The following GPHN variants were observed in gnomAD, a reference collection of about 807,000 sequenced individuals.
The protein encoded by GPHN is gephyrin.
GPHN carries 17 observed loss-of-function variants against 95.5 expected under a neutral mutation model. The observed-to-expected ratio is 0.18, with a 90% confidence interval of 0.12 to 0.27. The LOEUF is 0.27. GPHN is among the 10% of genes least tolerant of loss of function. GPHN has a pLI of 1.00. For missense variants in GPHN, 660 were observed against 978.1 expected (o/e 0.67, Z 4.34); for synonymous variants, 320 against 322.5 (o/e 0.99, Z 0.08).
intron 2 of GPHN, among the ~76,000 whole-genome samples, chr14:66,762,419 A>G (rs1200700292): frequency 6.6e-6 from 1 of 152,166 alleles, no homozygotes; most frequent in East Asian, 1.9e-4. Flanking sequence ...AATGAGGAAT[A>G]TATTATGGTC....
At chr14:67,447,937 T>G in the GPHN span, 1 of 151,922 alleles carries the variant, frequency 6.6e-6, no homozygotes, top group African/African-American at 2.4e-5. Context: ...CATCTGGAAG[T>G]GAAAGAGTAA....
chr14:66,813,870 AG>A (rs774832401), intron 3 of GPHN, among the ~76,000 whole-genome samples: 87 of 152,224 alleles, frequency 5.7e-4, no homozygotes, highest in Non-Finnish European at 8.5e-4. Flanking sequence ...GGCAGTCTTG[AG>A]GTCCCTGGGT....
the GPHN span, among the ~76,000 whole-genome samples, chr14:67,477,437 A>G: frequency 6.6e-6 from 1 of 152,154 alleles, no homozygotes; most frequent in Non-Finnish European, 1.5e-5. Flanking sequence ...CCAGGTCCCA[A>G]GGCTTCTCTT....
chr14:66,512,532 G>A (rs2058079086), intron 1 of GPHN, among the ~76,000 whole-genome samples: 1 of 151,600 alleles, frequency 6.6e-6, no homozygotes, highest in African/African-American at 2.4e-5. Context: ...TTTGGGAAAG[G>A]GCATTTTTAA....
At chr14:67,008,448 C>T (rs1594799133) in intron 9 of GPHN, among the ~76,000 whole-genome samples, 1 of 149,212 alleles carries the variant, frequency 6.7e-6, no homozygotes, top group Non-Finnish European at 1.5e-5. Context: ...AGTGAGACAC[C>T]GTCTCAAAAA....
At chr14:67,523,593 A>T in the GPHN span, among the ~76,000 whole-genome samples, 1 of 152,180 alleles carries the variant, frequency 6.6e-6, no homozygotes, top group African/African-American at 2.4e-5. Flanking sequence ...GCAGAGGAAG[A>T]TGTGCGATTA....
At chr14:67,722,226 T>G in the GPHN span, among the ~76,000 whole-genome samples, 2 of 152,116 alleles carry the variant, frequency 1.3e-5, no homozygotes, top group Non-Finnish European at 2.9e-5. Flanking sequence ...CATCATGGGG[T>G]TTGTGGCTAA....
chr14:66,724,782 TA>T (rs1482408259), intron 2 of GPHN, among the ~76,000 whole-genome samples: 1 of 152,202 alleles, frequency 6.6e-6, no homozygotes, highest in African/African-American at 2.4e-5. Context: ...AACTCTTCAT[TA>T]GTTAAAAGTT....
At chr14:67,417,958 CT>C in the GPHN span, among the ~76,000 whole-genome samples, 1 of 152,076 alleles carries the variant, frequency 6.6e-6, no homozygotes, top group African/African-American at 2.4e-5. Context: ...GTTGCCCAGG[CT>C]GGATTTGAAC....
chr14:67,590,150 C>G, the GPHN span: 21 of 1,550,950 alleles, frequency 1.4e-5, no homozygotes, highest in Non-Finnish European at 1.7e-5. Flanking sequence ...TTCAATCAAG[C>G]AGTCCAGCCG....
the GPHN span, among the ~76,000 whole-genome samples, chr14:67,425,687 G>A: frequency 6.6e-6 from 1 of 152,102 alleles, no homozygotes; most frequent in Non-Finnish European, 1.5e-5. Context: ...CAATGAGAGG[G>A]GAGCCCTGCC....
At chr14:67,465,487 T>G in the GPHN span, among the ~76,000 whole-genome samples, 1 of 152,156 alleles carries the variant, frequency 6.6e-6, no homozygotes, top group Non-Finnish European at 1.5e-5. Flanking sequence ...GAGTCTGAAG[T>G]AGGGAGTGAA....
chr14:67,589,387 C>G, the GPHN span: 1 of 985,076 alleles, frequency 1.0e-6, no homozygotes, highest in Non-Finnish European at 1.2e-6. Context: ...TCTGTCTGGC[C>G]TTTTGTCTCA....
At chr14:66,584,582 G>A (rs1046943122) in intron 1 of GPHN, among the ~76,000 whole-genome samples, 1 of 152,142 alleles carries the variant, frequency 6.6e-6, no homozygotes, top group Non-Finnish European at 1.5e-5. Flanking sequence ...AATTTATTGA[G>A]AGTTTTTAGC....
chr14:67,096,326 T>G (rs2077391489), intron 12 of GPHN, among the ~76,000 whole-genome samples: 1 of 152,140 alleles, frequency 6.6e-6, no homozygotes, highest in Non-Finnish European at 1.5e-5. Context: ...TGGACCTCCC[T>G]GGAACTCCAT....
the GPHN span, among the ~76,000 whole-genome samples, chr14:67,427,120 G>C: frequency 2.6e-4 from 40 of 152,218 alleles, no homozygotes; most frequent in South Asian, 3.3e-3. Flanking sequence ...TGTGTCACGC[G>C]GGGGAGGGAG....
rs113455063 is a variant in GPHN, at chr14:67,047,334, T to G, written c.1007-11315T>G. Among the ~76,000 whole-genome samples the G allele has an allele frequency of 8.6e-3, 946 of 109,582 alleles. 5 individuals are homozygous for G. The highest frequency in any genetic ancestry group is 0.011 in the African/African-American group (282 of 26,470). The allele number at this position is 109,582 out of a possible 152,430, so 71.9% of individuals were successfully genotyped here. ...TCATTTATTTTGTGTGTGTGTGTGT[T>G]TGTGTGTGTGTGTGTGTGTGTGTGT... is the stretch of plus-strand genomic sequence containing the variant. On this transcript the variant is annotated intron_variant, in intron 10 of 22. Transcript: ENST00000478722.
the GPHN span, among the ~76,000 whole-genome samples, chr14:67,498,991 A>ATTTATTTATTTG: frequency 6.7e-6 from 1 of 149,772 alleles, no homozygotes; most frequent in African/African-American, 2.5e-5. Context: ...TTATTTATTT[A>ATTTATTTATTTG]TTTATTTATT....
intron 2 of GPHN, among the ~76,000 whole-genome samples, chr14:66,734,968 G>A (rs2072124571): frequency 6.6e-6 from 1 of 152,108 alleles, no homozygotes; most frequent in African/African-American, 2.4e-5. Context: ...TGTTGTGTTA[G>A]GCAAGCTGTC....
Sources: allele counts gnomAD v4.1 joint callset (sites outside exome capture counted in the v4.1 genomes callset), GRCh38; gene constraint gnomAD v4.1.1; transcripts MANE v1.5; gene names NCBI Gene and HGNC (gene_info 2026-07-23, HGNC 2026-07-21).